Variants in KANSL1L observed in about 807,000 individuals in gnomAD.
KANSL1L encodes the protein KAT8 regulatory NSL complex subunit 1 like.
KANSL1L carries 25 observed loss-of-function variants against 108.6 expected under a neutral mutation model. That is an observed-to-expected ratio of 0.23 (90% CI 0.17 to 0.32). KANSL1L has a LOEUF of 0.32. Ranked by LOEUF, KANSL1L falls within the 10% of genes least tolerant of loss-of-function variation. The probability of loss-of-function intolerance (pLI) is 1.00; values close to 1 mark genes in which losing one functional copy is unlikely to be tolerated. For missense variants in KANSL1L, 1,137 were observed against 1,125.7 expected (o/e 1.01, Z -0.14); for synonymous variants, 405 against 395.1 (o/e 1.03, Z -0.30).
chr2:210,070,820 T>C (rs566480003), intron 6 of KANSL1L, among the ~76,000 whole-genome samples: 50 of 152,312 alleles, frequency 3.3e-4, no homozygotes, highest in Non-Finnish European at 4.0e-4. Context: ...TGCTCTGTTA[T>C]ATGTATATGT....
intron 5 of KANSL1L, among the ~76,000 whole-genome samples, chr2:210,077,599 T>C (rs1215176110): frequency 6.6e-6 from 1 of 151,662 alleles, no homozygotes; most frequent in African/African-American, 2.4e-5. Context: ...AAGTTAGGAG[T>C]AGATCCAGCA....
At chr2:210,079,119 T>C (rs984884867) in intron 5 of KANSL1L, among the ~76,000 whole-genome samples, 1 of 152,074 alleles carries the variant, frequency 6.6e-6, no homozygotes, top group Non-Finnish European at 1.5e-5. Flanking sequence ...CCTGCCTAGA[T>C]GACAGTCCTT....
intron 4 of KANSL1L, among the ~76,000 whole-genome samples, chr2:210,103,260 T>C (rs573853271): frequency 6.9e-6 from 1 of 144,192 alleles, no homozygotes; most frequent in South Asian, 2.2e-4. Context: ...AGGTGGGAAA[T>C]GAACAATGAG....
At chr2:210,048,574 TA>T (rs2094252242) in intron 6 of KANSL1L, among the ~76,000 whole-genome samples, 1 of 151,888 alleles carries the variant, frequency 6.6e-6, no homozygotes, top group African/African-American at 2.4e-5. Flanking sequence ...TATGTGTGTA[TA>T]TATATATACA....
At position 210,033,833 on chromosome 2, in the gene KANSL1L, C is replaced by T. The variant is rs548336647; in HGVS notation, c.2030-2287G>A. 9.2e-5 allele frequency among the ~76,000 whole-genome samples: 14 copies of T among 152,194 alleles called. No homozygotes were observed. The Middle Eastern group carries it at 0.01, about 111-fold the overall frequency. On this transcript the variant is annotated intron_variant, in intron 8 of 14. Coordinates refer to ENST00000281772, the MANE Select transcript of KANSL1L (RefSeq NM_152519.4). ...GATTACAGGCGTGAGCCACCGCGCC[C>T]GGCCAAAAGTTGATTTTTAAATTAA...
At chr2:210,058,629 C>G (rs757205975) in intron 6 of KANSL1L, among the ~76,000 whole-genome samples, 2 of 151,988 alleles carry the variant, frequency 1.3e-5, no homozygotes, top group Non-Finnish European at 2.9e-5. Flanking sequence ...GTCAGGAGAT[C>G]GAGCCCATCC....
At chr2:210,082,129 C>T (rs1363954071) in intron 5 of KANSL1L, among the ~76,000 whole-genome samples, 2 of 152,106 alleles carry the variant, frequency 1.3e-5, no homozygotes, top group East Asian at 1.9e-4. Flanking sequence ...GACAGAGTCT[C>T]GTCAAATTTC....
intron 5 of KANSL1L, chr2:210,096,637 G>A (rs2094738470): frequency 1.0e-6 from 1 of 984,854 alleles, no homozygotes; most frequent in Admixed American, 6.2e-5. Flanking sequence ...GTGTTTTATG[G>A]GGCAGCTTAA....
In KANSL1L at chr2:210,021,978, C is replaced by T. The variant is rs1169857790; in HGVS notation, c.*971G>A. ...GAAATCAGCCAGAATTAACTAATTT[C>T]TTGCTAATCTAGAAATACAATCATC... On this transcript the variant is annotated 3_prime_UTR_variant, in exon 15 of 15. Coordinates refer to ENST00000281772, the MANE Select transcript of KANSL1L (RefSeq NM_152519.4). 6.7e-6 allele frequency: 1 copy of T among 148,370 alleles called. No homozygotes were observed. Among genetic ancestry groups the T allele is most frequent in the Non-Finnish European group, 1.5e-5 (1 of 67,352 alleles). 9.2% of individuals were successfully genotyped at this position (148,370 alleles called of 1,614,324 possible).
At chr2:210,105,209 T>G (rs749962541) in intron 3 of KANSL1L, among the ~76,000 whole-genome samples, 3 of 151,428 alleles carry the variant, frequency 2.0e-5, no homozygotes, top group Non-Finnish European at 4.4e-5. Context: ...TTCCTTCCTA[T>G]CTATTCTACC....
intron 3 of KANSL1L, among the ~76,000 whole-genome samples, chr2:210,117,651 T>G (rs1401858352): frequency 6.6e-6 from 1 of 151,906 alleles, no homozygotes; most frequent in African/African-American, 2.4e-5. Context: ...CCAGCAAATA[T>G]ATCCTTCAAG....
At chr2:210,118,509 A>G (rs2094980391) in intron 3 of KANSL1L, among the ~76,000 whole-genome samples, 1 of 151,708 alleles carries the variant, frequency 6.6e-6, no homozygotes. Context: ...AAAATAGAAA[A>G]TTTTAACAAA....
intron 3 of KANSL1L, among the ~76,000 whole-genome samples, chr2:210,105,397 C>A (rs4141904): frequency 1 from 147,536 of 147,688 alleles, 73,692 homozygotes; most frequent in Non-Finnish European, 1. Flanking sequence ...ATATTTGAAA[C>A]ATGCTAATAA....
At chr2:210,121,185 T>C (rs1442547125) in intron 3 of KANSL1L, among the ~76,000 whole-genome samples, 4 of 152,086 alleles carry the variant, frequency 2.6e-5, no homozygotes, top group Non-Finnish European at 5.9e-5. Context: ...ATTATAAAGA[T>C]ACACACATGT....
intron 1 of KANSL1L, among the ~76,000 whole-genome samples, chr2:210,157,357 T>G (rs569735452): frequency 2.6e-4 from 39 of 152,210 alleles, no homozygotes; most frequent in African/African-American, 8.4e-4. Context: ...GCAGGAAAAT[T>G]CATCTTAGTC....
rs138904249 is a variant in KANSL1L, at chr2:210,103,293, G to A, written c.1428+811C>T. On this transcript the variant is annotated intron_variant, in intron 4 of 14. Transcript: ENST00000281772. ...GAGAAGAACACTTGGACACAGGAAG[G>A]GGGACATCACACACCGGGGCCTGTC... 2.9e-4 allele frequency among the ~76,000 whole-genome samples: 44 copies of A among 151,762 alleles called. 2 individuals are homozygous for A. The East Asian group carries it at 8.6e-3, about 30-fold the overall frequency.
chr2:210,079,668 A>ATGTGTATATATATATATATATGTATG (rs2094572583), intron 5 of KANSL1L: 4 of 60,104 alleles, frequency 6.7e-5, no homozygotes, highest in Non-Finnish European at 1.1e-4. Flanking sequence ...ATATATATGT[A>ATGTGTATATATATATATATATGTATG]TGTGTGTATA....
Position 210,021,761 on chromosome 2 carries a change from C to T in KANSL1L, c.*1188G>A, listed in dbSNP as rs1367262164. The T allele has an allele frequency of 6.6e-6, 1 of 151,958 alleles. No individual in the cohort carries two copies. Among genetic ancestry groups the T allele is most frequent in the East Asian group, 1.9e-4 (1 of 5,180 alleles). The allele number at this position is 151,958 out of a possible 1,614,324, so 9.4% of individuals were successfully genotyped here. Reference sequence around the variant, plus strand: ...AAAAGTGAGTTATATAAATTGTCCTCAACTTTCACATAGGAAAAAAATGGT... The same window carrying T: ...AAAAGTGAGTTATATAAATTGTCCTTAACTTTCACATAGGAAAAAAATGGT... On this transcript the variant is annotated 3_prime_UTR_variant, in exon 15 of 15. Transcript: ENST00000281772.
chr2:210,057,915 CT>C (rs1174796082), intron 6 of KANSL1L, among the ~76,000 whole-genome samples: 1 of 152,084 alleles, frequency 6.6e-6, no homozygotes, highest in African/African-American at 2.4e-5. Context: ...CCTCAGGACC[CT>C]GTGATGATTG....
Sources: allele counts gnomAD v4.1 joint callset (sites outside exome capture counted in the v4.1 genomes callset), GRCh38; gene constraint gnomAD v4.1.1; transcripts MANE v1.5; gene names NCBI Gene and HGNC (gene_info 2026-07-23, HGNC 2026-07-21).